The following NBPF3 variants were observed in gnomAD, a reference collection of about 807,000 sequenced individuals.
The protein encoded by NBPF3 is NBPF family member NBPF3.
A neutral mutation model predicts 78.1 loss-of-function variants in NBPF3; 57 were observed. The observed-to-expected ratio is 0.73, with a 90% CI of 0.59 to 0.91. NBPF3 has a LOEUF of 0.91. NBPF3 is among the 40% of genes least tolerant of loss of function. The pLI is 0.00. For synonymous variants in NBPF3, 182 were observed against 271.7 expected, an observed-to-expected ratio of 0.67 and a Z score of 3.25; for missense variants, 510 against 715.3, an observed-to-expected ratio of 0.71 and a Z score of 3.27.
intron 8 of NBPF3, 183 bp from the exon 9 acceptor site, chr1:21,477,961 G>A (rs1642972021): frequency 1.5e-6 from 2 of 1,342,742 alleles, no homozygotes; most frequent in Non-Finnish European, 1.0e-6. Flanking sequence ...TTTTTGTTCG[G>A]TCCTCAGAGC....
rs1558493728 is a variant in NBPF3, at chr1:21,467,012, C to T, written c.134-1676C>T. On this transcript the variant is annotated intron_variant, in intron 2 of 14. Transcript: ENST00000318249. ...TATTGGCAGTGCTGAAAACTCACCC[C>T]TGTGTGACCTCAAGTAAGCCACGTA... 3.0e-6 allele frequency: 3 copies of T among 984,450 alleles called. No individual in the cohort carries two copies. The African/African-American group carries it at 5.2e-5, about 17-fold the overall frequency. 61.0% of individuals were successfully genotyped at this position (984,450 alleles called of 1,614,324 possible).
chr1:21,474,612 A>T (rs1325116690), intron 7 of NBPF3, among the ~76,000 whole-genome samples: 2 of 152,162 alleles, frequency 1.3e-5, no homozygotes, highest in East Asian at 3.9e-4. Context: ...TGTTTGACCA[A>T]TTATTGGCGA....
intron 2 of NBPF3, chr1:21,449,930 T>TTGA (rs1641211019): frequency 3.3e-6 from 1 of 306,838 alleles, no homozygotes; most frequent in South Asian, 1.3e-4. Context: ...CATTGATTGA[T>TTGA]TGATTGATTG....
chr1:21,475,449 G>T (rs1325315504), intron 8 of NBPF3, among the ~76,000 whole-genome samples: 2 of 152,150 alleles, frequency 1.3e-5, no homozygotes, highest in Non-Finnish European at 2.9e-5. Context: ...AGAGATTCTG[G>T]TATGTTGTGT....
chr1:21,462,539 A>G (rs1246431407), intron 2 of NBPF3, among the ~76,000 whole-genome samples: 3 of 152,242 alleles, frequency 2.0e-5, no homozygotes, highest in Non-Finnish European at 1.5e-5. Context: ...TAGAAATAAG[A>G]GGGATCCATT....
chr1:21,475,653 T>TTTGCTGAGGAGTGC (rs1193081439), intron 8 of NBPF3, among the ~76,000 whole-genome samples: 2 of 152,174 alleles, frequency 1.3e-5, no homozygotes, highest in African/African-American at 4.8e-5. Context: ...TTCTTTTACA[T>TTTGCTGAGGAGTGC]TTGCTGAGGA....
intron 2 of NBPF3, among the ~76,000 whole-genome samples, chr1:21,457,239 TTATC>T (rs1396289558): frequency 1.3e-5 from 2 of 151,528 alleles, no homozygotes; most frequent in African/African-American, 4.9e-5. Flanking sequence ...TTTTTGAAGA[TTATC>T]TATCGTTATC....
chr1:21,449,077 G>A (rs1641152856), intron 2 of NBPF3, among the ~76,000 whole-genome samples: 1 of 152,192 alleles, frequency 6.6e-6, no homozygotes, highest in Non-Finnish European at 1.5e-5. Context: ...ACATTTTATC[G>A]CTTCCCCAAA....
chr1:21,439,284 T>C (rs1640501405), upstream of NBPF3, among the ~76,000 whole-genome samples: 2 of 151,064 alleles, frequency 1.3e-5, no homozygotes, highest in South Asian at 4.2e-4. Context: ...AGGTCAGGAG[T>C]TCTAGACCAG....
intron 1 of NBPF3, among the ~76,000 whole-genome samples, chr1:21,440,574 T>A (rs1259898049): frequency 6.6e-6 from 1 of 152,056 alleles, no homozygotes; most frequent in Non-Finnish European, 1.5e-5. Flanking sequence ...GGGAAGAAAC[T>A]CGCTGGCGGG....
rs983008175 is a variant in NBPF3, at chr1:21,473,514, A to AC, written c.871dup (p.Gln291ProfsTer8). 1 of 1,614,078 alleles carries AC rather than the reference A, an allele frequency of 6.2e-7. No homozygotes were observed. The highest frequency in any genetic ancestry group is 8.5e-7 in the Non-Finnish European group (1 of 1,180,050). On this transcript the variant is annotated frameshift_variant, in exon 7 of 15. Transcript: ENST00000318249. LOFTEE classifies it high-confidence loss of function. ...AACACCAGAATCACATTTGAGGAAG[A>AC]CCAAGTCGACTCAACTCTCATTGAC...
upstream of NBPF3, among the ~76,000 whole-genome samples, chr1:21,439,518 A>G (rs1640509367): frequency 6.6e-6 from 1 of 152,136 alleles, no homozygotes; most frequent in African/African-American, 2.4e-5. Flanking sequence ...AAAAAAAGCG[A>G]AAACGTACAT....
intron 2 of NBPF3, among the ~76,000 whole-genome samples, chr1:21,462,979 TAAA>T (rs1443889855): frequency 7.0e-6 from 1 of 143,334 alleles, no homozygotes; most frequent in Non-Finnish European, 1.6e-5. Flanking sequence ...AAATTGTAGA[TAAA>T]CAACAATTGA....
intron 2 of NBPF3, among the ~76,000 whole-genome samples, chr1:21,451,484 G>C (rs1283640976): frequency 2.6e-5 from 4 of 152,200 alleles, no homozygotes; most frequent in African/African-American, 9.6e-5. Context: ...AAAGAGGCCT[G>C]TCTATATACA....
chr1:21,439,647 A>AT (rs200813916), upstream of NBPF3, among the ~76,000 whole-genome samples: 1,416 of 147,874 alleles, frequency 9.6e-3, 8 homozygotes, highest in Middle Eastern at 0.029. Flanking sequence ...GTACTATTTG[A>AT]TTTTTTTTTT....
chr1:21,473,400 A>T lies in NBPF3; in HGVS notation c.755A>T (p.Glu252Val), dbSNP rs1642713042. The change falls in exon 7 of 15, where the codon GAA (glutamate) becomes GTA (valine). Residue 252 changes from glutamate to valine, a missense_variant. By Grantham distance (121) the Glu-to-Val change is moderately radical. Transcript: ENST00000318249. ...YAPREVQKAE[E>V]KEVPEDSLEE... ...ATCAGGGAGGTGCAGAAGGCTGAAG[A>T]AAAGGAAGTCCCTGAGGACTCACTG... 6.2e-7 allele frequency: 1 copy of T among 1,614,118 alleles called. No homozygotes were observed. The highest frequency in any genetic ancestry group is 8.5e-7 in the Non-Finnish European group (1 of 1,179,962).
intron 2 of NBPF3, among the ~76,000 whole-genome samples, chr1:21,455,122 C>T (rs1199853288): frequency 2.0e-5 from 3 of 152,318 alleles, no homozygotes; most frequent in African/African-American, 4.8e-5. Flanking sequence ...AGAGGAGGAT[C>T]GCCCTGCATG....
intron 2 of NBPF3, among the ~76,000 whole-genome samples, chr1:21,458,274 T>C (rs1057226456): frequency 1.3e-5 from 2 of 152,174 alleles, no homozygotes; most frequent in African/African-American, 4.8e-5. Context: ...ATGTCTTCGT[T>C]ATTTTGTCAT....
chr1:21,484,171 C>A lies in NBPF3; in HGVS notation c.*785C>A, dbSNP rs868326397. On this transcript the variant is annotated 3_prime_UTR_variant, in exon 15 of 15. Transcript: ENST00000318249. ...TTCATAGGAGGTAATCACCAGACAA[C>A]TGCAGAATGTAGAACACTGAGCAGG... 3.8e-5 allele frequency: 4 copies of A among 104,366 alleles called. 1 individual carries two copies. Among genetic ancestry groups the A allele is most frequent in the South Asian group, 1.0e-3 (2 of 1,948 alleles). 6.5% of individuals were successfully genotyped at this position (104,366 alleles called of 1,614,324 possible). A position where few individuals can be genotyped will look rare whatever the true frequency, so the allele number is the denominator to read the frequency against.
Sources: allele counts gnomAD v4.1 joint callset (sites outside exome capture counted in the v4.1 genomes callset), GRCh38; gene constraint gnomAD v4.1.1; transcripts MANE v1.5; gene names NCBI Gene and HGNC (gene_info 2026-07-23, HGNC 2026-07-21).